Variants in ADAM22 observed in about 807,000 individuals in gnomAD.
The protein encoded by ADAM22 is ADAM metallopeptidase domain 22.
In ADAM22, 65 loss-of-function variants were observed where a neutral mutation model predicts 144.6. That is an observed-to-expected ratio of 0.45 (90% confidence interval 0.37 to 0.55). The LOEUF (loss-of-function observed/expected upper bound fraction) is 0.55. ADAM22 is among the 20% of genes least tolerant of loss of function. The pLI is 0.00. For synonymous variants in ADAM22, 391 were observed against 412.6 expected, an observed-to-expected ratio of 0.95 and a Z score of 0.63; for missense variants, 974 against 1,184.9, an observed-to-expected ratio of 0.82 and a Z score of 2.61.
rs1164114657 is a variant in ADAM22 at position 88,182,019 on chromosome 7, A to C, written c.2658A>C (p.Ser886=). The change falls in exon 29 of 32, where the codon TCA becomes TCC. Residue 886 remains serine (S), a synonymous_variant. Coordinates refer to ENST00000413139, the MANE Select transcript of ADAM22 (RefSeq NM_001324418.2). ...AAAGATTTAGACCTCGGTCTAATTC[A>C]ACTGAGTAAGTCTGAACCTCTAATG... ...RGKRFRPRSN[S]TEYLNPWFKR... 6.2e-7 allele frequency: 1 copy of C among 1,613,616 alleles called. No individual in the cohort carries two copies. The highest frequency in any genetic ancestry group is 1.3e-5 in the African/African-American group (1 of 75,058).
intron 4 of ADAM22, among the ~76,000 whole-genome samples, chr7:88,107,792 A>G (rs1012617535): frequency 4.7e-5 from 7 of 149,358 alleles, no homozygotes; most frequent in Admixed American, 4.0e-4. Context: ...GGGTCTTGCT[A>G]TGTTGCTTAG....
chr7:88,182,091 T>G (rs1436070645), intron 29 of ADAM22, 67 bp downstream of exon 29: 2 of 1,356,832 alleles, frequency 1.5e-6, no homozygotes, highest in Non-Finnish European at 2.1e-6. Context: ...AAAAGTAAAT[T>G]AAGCAGATAG....
chr7:87,986,743 T>A (rs1055133638), intron 3 of ADAM22, among the ~76,000 whole-genome samples: 2 of 152,236 alleles, frequency 1.3e-5, no homozygotes, highest in Non-Finnish European at 2.9e-5. Flanking sequence ...ACACATTATC[T>A]TTCATATGAT....
At chr7:88,110,965 A>G (rs1439678467) in intron 5 of ADAM22, among the ~76,000 whole-genome samples, 2 of 145,392 alleles carry the variant, frequency 1.4e-5, no homozygotes, top group Admixed American at 1.4e-4. Flanking sequence ...TTGGTCTCGA[A>G]CTCCTGACCT....
At chr7:88,102,080 C>G (rs978535148) in intron 4 of ADAM22, among the ~76,000 whole-genome samples, 4 of 152,168 alleles carry the variant, frequency 2.6e-5, no homozygotes, top group Non-Finnish European at 4.4e-5. Context: ...GGAAATAATA[C>G]TCACCTCATC....
chr7:88,096,579 A>AT (rs1821389519), intron 4 of ADAM22, among the ~76,000 whole-genome samples: 1 of 151,180 alleles, frequency 6.6e-6, no homozygotes, highest in African/African-American at 2.4e-5. Context: ...ATAATATAAT[A>AT]TTTTAAAAAA....
chr7:88,142,178 C>T (rs554581878), intron 14 of ADAM22, among the ~76,000 whole-genome samples: 4 of 152,282 alleles, frequency 2.6e-5, no homozygotes, highest in East Asian at 1.9e-4. Flanking sequence ...CAAAGAAGTA[C>T]ATCCTCCTAC....
At chr7:88,061,829 C>T (rs1016242166) in intron 3 of ADAM22, among the ~76,000 whole-genome samples, 37 of 146,392 alleles carry the variant, frequency 2.5e-4, no homozygotes, top group Admixed American at 8.5e-4. Flanking sequence ...CTTTCTTTCT[C>T]TCTCTCTCTC....
At chr7:87,995,668 G>C (rs1791012672) in intron 3 of ADAM22, among the ~76,000 whole-genome samples, 1 of 152,150 alleles carries the variant, frequency 6.6e-6, no homozygotes, top group Non-Finnish European at 1.5e-5. Context: ...TGTGCTTTTA[G>C]AAGCTCTCTG....
At chr7:88,014,615 C>T (rs1796151743) in intron 3 of ADAM22, among the ~76,000 whole-genome samples, 1 of 151,996 alleles carries the variant, frequency 6.6e-6, no homozygotes, top group African/African-American at 2.4e-5. Flanking sequence ...TGGTGGCAGA[C>T]ACCTGTAATC....
At chr7:88,149,199 G>A (rs1837595076) in intron 18 of ADAM22, 142 bp downstream of exon 18, 1 of 657,908 alleles carries the variant, frequency 1.5e-6, no homozygotes, top group Non-Finnish European at 2.6e-6. Flanking sequence ...AGGAATTTAA[G>A]TTTCAGTGAT....
At chr7:88,044,901 T>C (rs996119704) in intron 3 of ADAM22, among the ~76,000 whole-genome samples, 3 of 151,078 alleles carry the variant, frequency 2.0e-5, no homozygotes, top group African/African-American at 7.3e-5. Context: ...ATTTTTGTAT[T>C]TTTAGTAGAG....
chr7:88,113,724 A>ATATATATAT (rs1554478865), intron 5 of ADAM22, among the ~76,000 whole-genome samples: 3 of 118,992 alleles, frequency 2.5e-5, no homozygotes, highest in Admixed American at 1.7e-4. Context: ...ATATATATAT[A>ATATATATAT]TATATATATA....
chr7:88,028,083 C>T (rs1799434855), intron 3 of ADAM22, among the ~76,000 whole-genome samples: 1 of 152,172 alleles, frequency 6.6e-6, no homozygotes, highest in African/African-American at 2.4e-5. Context: ...CTGTGTCCAG[C>T]CTTTTTTCTA....
intron 3 of ADAM22, among the ~76,000 whole-genome samples, chr7:88,064,121 G>A (rs2129477359): frequency 6.6e-6 from 1 of 152,250 alleles, no homozygotes; most frequent in South Asian, 2.1e-4. Context: ...GGCCACAGGA[G>A]GGATGTAGCC....
rs143279500 is a variant in ADAM22 at position 88,011,545 on chromosome 7, A to G, written c.323+33133A>G. 3.3e-5 allele frequency among the ~76,000 whole-genome samples: 5 copies of G among 152,184 alleles called. No homozygotes were observed. In the East Asian group the frequency reaches 9.6e-4, roughly 29 times the overall value. On this transcript the variant is annotated intron_variant, in intron 3 of 31. Transcript: ENST00000413139. ...ACAGAGCGAGACTCAATCTCAAAAA[A>G]AAAAAAAAAAGAAAAACACTGCGTT... is the stretch of plus-strand genomic sequence containing the variant.
Position 88,130,446 on chromosome 7 carries a change from A to G in ADAM22, c.812A>G (p.Asn271Ser). Residue 271 changes from asparagine to serine, a missense_variant, in exon 10 of 32, where the codon AAC (asparagine) becomes AGC (serine). Around this residue, in one of 2 missense-constraint regions of ADAM22, gnomAD observed 734 missense variants for 950.6 expected, o/e 0.77. Transcript: ENST00000413139. ...HTNTYAKSVVNMADLIYKDQL... is the reference protein window; with the variant it reads ...HTNTYAKSVVSMADLIYKDQL... The stretch of plus-strand genomic sequence containing the variant: ...AATACCTATGCGAAATCTGTGGTGA[A>G]CATGGCAGATTTAGTAAGTATCAAC... 6.2e-7 allele frequency: 1 copy of G among 1,613,126 alleles called. No individual in the cohort carries two copies. Among genetic ancestry groups the G allele is most frequent in the Non-Finnish European group, 8.5e-7 (1 of 1,179,280 alleles).
At chr7:88,121,616 T>TG (rs1200125059) in intron 7 of ADAM22, among the ~76,000 whole-genome samples, 8 of 152,112 alleles carry the variant, frequency 5.3e-5, no homozygotes, top group Admixed American at 5.2e-4. Flanking sequence ...ACATAATTGT[T>TG]GTCAGGCCTC....
chr7:87,986,931 A>G (rs1227552448), intron 3 of ADAM22, among the ~76,000 whole-genome samples: 1 of 152,164 alleles, frequency 6.6e-6, no homozygotes, highest in Non-Finnish European at 1.5e-5. Flanking sequence ...TACCACATAC[A>G]TACTATTTTT....
Sources: gnomAD v4.1 joint callset for allele counts (sites outside exome capture counted in the v4.1 genomes callset) on GRCh38, gnomAD v4.1.1 for gene constraint, gnomAD v4.1.1 regional missense constraint, MANE v1.5 for transcripts, NCBI Gene and HGNC (gene_info 2026-07-23, HGNC 2026-07-21) for gene names.